Variants in ATP2B1 observed in about 807,000 individuals in gnomAD.
The protein encoded by ATP2B1 is plasma membrane calcium-transporting ATPase 1.
Under a neutral mutation model 124.2 loss-of-function variants are expected in ATP2B1, and 14 were observed. That is an observed-to-expected ratio of 0.11 (90% CI 0.07 to 0.18). The LOEUF is 0.18. ATP2B1 is among the 10% of genes least tolerant of loss of function. The probability of loss-of-function intolerance (pLI) is 1.00; values close to 1 mark genes in which losing one functional copy is unlikely to be tolerated. For synonymous variants in ATP2B1, 449 were observed against 492.4 expected, an observed-to-expected ratio of 0.91 and a Z score of 1.17; for missense variants, 763 against 1,466.1, an observed-to-expected ratio of 0.52 and a Z score of 7.83.
At chr12:89,647,585 T>C (rs115678425) in intron 2 of ATP2B1, among the ~76,000 whole-genome samples, 34 of 152,348 alleles carry the variant, frequency 2.2e-4, no homozygotes, top group African/African-American at 8.2e-4. Context: ...CAGCACATAC[T>C]ACAGTCTTAT....
chr12:89,602,049 G>A (rs1446164651), intron 18 of ATP2B1, among the ~76,000 whole-genome samples: 2 of 152,138 alleles, frequency 1.3e-5, no homozygotes, highest in Non-Finnish European at 2.9e-5. Flanking sequence ...AAAAGAGTGA[G>A]GTCTGATGAT....
At chr12:89,617,634 A>G (rs1046410679) in intron 11 of ATP2B1, among the ~76,000 whole-genome samples, 2 of 152,142 alleles carry the variant, frequency 1.3e-5, no homozygotes, top group Non-Finnish European at 2.9e-5. Context: ...ATACCTATTT[A>G]AAGTTTGTTT....
intron 2 of ATP2B1, among the ~76,000 whole-genome samples, chr12:89,646,140 G>C (rs1392054591): frequency 6.6e-6 from 1 of 152,040 alleles, no homozygotes; most frequent in Non-Finnish European, 1.5e-5. Flanking sequence ...GTGGGTGGAT[G>C]GTAGTCATAT....
intron 1 of ATP2B1, 119 bp downstream of exon 1, chr12:89,708,477 G>C (rs1262736220): frequency 6.6e-6 from 1 of 152,184 alleles, no homozygotes; most frequent in Non-Finnish European, 1.5e-5. Context: ...GCAACCCGCT[G>C]CGCACCCAGC....
At chr12:89,637,457 G>A (rs1882879656) in intron 3 of ATP2B1, among the ~76,000 whole-genome samples, 1 of 150,076 alleles carries the variant, frequency 6.7e-6, no homozygotes, top group Admixed American at 6.7e-5. Flanking sequence ...TGTTGCTCAG[G>A]CTGGAGTGCA....
chr12:89,616,928 G>A lies in ATP2B1; in HGVS notation c.1941C>T (p.Thr647=). 6.2e-7 allele frequency: 1 copy of A among 1,614,032 alleles called. No homozygotes were observed. Among genetic ancestry groups the A allele is most frequent in the Non-Finnish European group, 8.5e-7 (1 of 1,179,956 alleles). The change falls in exon 12 of 21, where the codon ACC becomes ACT. Residue 647 remains threonine (T), a synonymous_variant. Transcript: ENST00000428670. ...GAAAATCTCTGAATGCAAGACATAT[G>A]GTTCTCAAGCCTTCTGATGCCATCG... ...IEPMASEGLR[T]ICLAFRDFPA...
chr12:89,591,939 T>C (rs1288966376), intron 20 of ATP2B1, among the ~76,000 whole-genome samples: 1 of 152,098 alleles, frequency 6.6e-6, no homozygotes, highest in African/African-American at 2.4e-5. Flanking sequence ...TTAGTGTTTT[T>C]CTCTGTAACA....
At chr12:89,654,092 G>A (rs1440990300) in intron 2 of ATP2B1, among the ~76,000 whole-genome samples, 2 of 152,170 alleles carry the variant, frequency 1.3e-5, no homozygotes, top group African/African-American at 4.8e-5. Context: ...TCTACCAGCT[G>A]AGAATAGCAT....
At chr12:89,593,017 G>C (rs1335067667) in intron 20 of ATP2B1, among the ~76,000 whole-genome samples, 2 of 151,914 alleles carry the variant, frequency 1.3e-5, no homozygotes, top group Admixed American at 1.3e-4. Flanking sequence ...CTATTTGATT[G>C]CTTGTACTTC....
chr12:89,659,027 C>A (rs1886346754), intron 1 of ATP2B1, among the ~76,000 whole-genome samples: 1 of 152,170 alleles, frequency 6.6e-6, no homozygotes, highest in Non-Finnish European at 1.5e-5. Context: ...TTCCATTCAT[C>A]TAACTGGCTG....
At chr12:89,629,266 G>C (rs896780451) in intron 6 of ATP2B1, among the ~76,000 whole-genome samples, 3 of 152,166 alleles carry the variant, frequency 2.0e-5, no homozygotes, top group Admixed American at 1.3e-4. Context: ...CTTTGATCTA[G>C]AGCAAATTAT....
chr12:89,619,168 A>G (rs1247954985), intron 11 of ATP2B1, among the ~76,000 whole-genome samples: 4 of 152,236 alleles, frequency 2.6e-5, no homozygotes, highest in Non-Finnish European at 5.9e-5. Flanking sequence ...ATATTTAAAT[A>G]CGACACTGCA....
At chr12:89,658,496 G>A (rs1886230695) in intron 1 of ATP2B1, among the ~76,000 whole-genome samples, 1 of 152,036 alleles carries the variant, frequency 6.6e-6, no homozygotes, top group South Asian at 2.1e-4. Flanking sequence ...CAAAAACCAA[G>A]TCATCCATTC....
chr12:89,624,720 T>C (rs1005119078), intron 8 of ATP2B1, among the ~76,000 whole-genome samples: 1 of 152,164 alleles, frequency 6.6e-6, no homozygotes. Context: ...TAGAATAAAC[T>C]GGTGCTTTAT....
At chr12:89,682,464 G>A (rs1214337665) in intron 1 of ATP2B1, among the ~76,000 whole-genome samples, 2 of 152,114 alleles carry the variant, frequency 1.3e-5, no homozygotes, top group Non-Finnish European at 2.9e-5. Flanking sequence ...AAAATACACT[G>A]TAAAGTCCCT....
chr12:89,599,385 G>A, intron 19 of ATP2B1, 86 bp from the exon 20 acceptor site: 1 of 1,409,576 alleles, frequency 7.1e-7, no homozygotes, highest in South Asian at 1.4e-5. Flanking sequence ...TATTAAAAGT[G>A]GTGAGAGTAT....
chr12:89,707,939 T>G (rs1478915243), intron 1 of ATP2B1, among the ~76,000 whole-genome samples: 1 of 152,160 alleles, frequency 6.6e-6, no homozygotes, highest in African/African-American at 2.4e-5. Context: ...CAGGCTTTTT[T>G]CTCTTAAACT....
At chr12:89,598,453 G>A in intron 20 of ATP2B1, 1 of 979,718 alleles carries the variant, frequency 1.0e-6, no homozygotes, top group Non-Finnish European at 1.5e-6. Context: ...ACACTTTGAG[G>A]TCTCAATCCA....
In ATP2B1 at chr12:89,603,608, A is replaced by G; in HGVS notation, c.2848+104T>C. 1 of 1,146,286 alleles carries G rather than the reference A, an allele frequency of 8.7e-7. No individual in the cohort carries two copies. The highest frequency in any genetic ancestry group is 1.3e-6 in the Non-Finnish European group (1 of 799,918). 71.0% of individuals were successfully genotyped at this position (1,146,286 alleles called of 1,614,324 possible). A position where few individuals can be genotyped will look rare whatever the true frequency, so the allele number is the denominator to read the frequency against. ...AATTAAAGATAAATGGGAAGTCAGG[A>G]GTAGAATTTAGGCTCTTGAAAATTT... is the stretch of plus-strand genomic sequence containing the variant. On this transcript the variant is annotated intron_variant, in intron 17 of 20. Coordinates refer to ENST00000428670, the MANE Select transcript of ATP2B1 (RefSeq NM_001366521.1). This position sits in a 1 kb window ranked among gnomAD's most constrained non-coding sequence, Gnocchi z 4.3.
Sources: allele counts gnomAD v4.1 joint callset (sites outside exome capture counted in the v4.1 genomes callset), GRCh38; gene constraint gnomAD v4.1.1; non-coding constraint Gnocchi (gnomAD v3.1); transcripts MANE v1.5; gene names NCBI Gene and HGNC (gene_info 2026-07-23, HGNC 2026-07-21).